Variants in TTPAL observed in about 807,000 individuals in gnomAD.
TTPAL encodes alpha tocopherol transfer protein like, also known as alpha-tocopherol transfer protein-like.
TTPAL carries 21 observed loss-of-function variants against 28.7 expected under a neutral mutation model. That is an observed-to-expected ratio of 0.73 (90% CI 0.52 to 1.06). TTPAL has a LOEUF of 1.06. Ranked by LOEUF, TTPAL falls within the 50% of genes least tolerant of loss-of-function variation. The pLI is 0.00. For synonymous variants in TTPAL, 169 were observed against 171.9 expected, an observed-to-expected ratio of 0.98 and a Z score of 0.13; for missense variants, 345 against 425.5, an observed-to-expected ratio of 0.81 and a Z score of 1.67.
chr20:44,489,142 T>C (rs113913817), intron 4 of TTPAL, 121 bp from the exon 5 acceptor site: 19 of 1,118,100 alleles, frequency 1.7e-5, no homozygotes, highest in Middle Eastern at 2.2e-4. Flanking sequence ...AAGGGTAGAG[T>C]TGCCATTAAC....
chr20:44,484,609 C>A, intron 3 of TTPAL, 79 bp downstream of exon 3: 2 of 1,090,760 alleles, frequency 1.8e-6, no homozygotes, highest in Non-Finnish European at 2.6e-6. Flanking sequence ...GTGGGTCTCA[C>A]ATGATACACA....
In TTPAL at chr20:44,480,092, T is replaced by C. The variant is rs1447122927; in HGVS notation, c.93T>C (p.Tyr31=). Residue 31 remains tyrosine (Y), a synonymous_variant, in exon 2 of 5, where the codon TAT becomes TAC. Transcript: ENST00000262605. The surrounding 1 kb of genome is among the most constrained non-coding windows in gnomAD (Gnocchi z 4.1). Reference sequence around the variant, plus strand: ...CACCACCACCTGAGCCTCCGGGCTATGTGTGCTCACTGACAGAAGACCTGG... The same window carrying C: ...CACCACCACCTGAGCCTCCGGGCTACGTGTGCTCACTGACAGAAGACCTGG... ...ELPPPPEPPG[Y]VCSLTEDLVT... 2 of 1,614,216 alleles carry C rather than the reference T, an allele frequency of 1.2e-6. No homozygotes were observed. The highest frequency in any genetic ancestry group is 1.7e-6 in the Non-Finnish European group (2 of 1,180,038).
chr20:44,480,048 C>T lies in TTPAL; in HGVS notation c.49C>T (p.Leu17Phe), dbSNP rs776713803. The T allele has an allele frequency of 1.2e-6, 2 of 1,614,154 alleles. No individual in the cohort carries two copies. Among genetic ancestry groups the T allele is most frequent in the Non-Finnish European group, 1.7e-6 (2 of 1,180,002 alleles). Residue 17 changes from leucine to phenylalanine, a missense_variant, in exon 2 of 5, where the codon CTC becomes TTC. Leu to Phe is a conservative substitution (Grantham distance 22, BLOSUM62 0). Transcript: ENST00000262605. The surrounding 1 kb of genome is among the most constrained non-coding windows in gnomAD (Gnocchi z 4.1). ...GAGAACCAGCCCTTCTGTGGCCTCA[C>T]TCTCTGAAAATGAGCTGCCACCACC... ...SLRTSPSVASLSENELPPPPE... is the reference protein window; with the variant it reads ...SLRTSPSVASFSENELPPPPE...
intron 1 of TTPAL, among the ~76,000 whole-genome samples, chr20:44,479,583 A>G (rs184801380): frequency 2.0e-5 from 3 of 152,066 alleles, no homozygotes; most frequent in Admixed American, 2.0e-4. Flanking sequence ...TTTAGTAGAG[A>G]TGGGGTTTCA....
At chr20:44,482,434 G>A (rs903881462) in intron 2 of TTPAL, among the ~76,000 whole-genome samples, 5 of 150,404 alleles carry the variant, frequency 3.3e-5, no homozygotes, top group African/African-American at 4.9e-5. Context: ...TTAGCTGGGC[G>A]TGGTGGCACA....
At chr20:44,477,617 ATATTTTTATTTATTTATCT>A (rs1350743753) in intron 1 of TTPAL, among the ~76,000 whole-genome samples, 2 of 151,702 alleles carry the variant, frequency 1.3e-5, no homozygotes, top group African/African-American at 4.9e-5. Flanking sequence ...CTTTTAAAAT[ATATTTTTATTTATTTATCT>A]ATCTATCTAT....
chr20:44,492,153 CT>C lies in TTPAL; in HGVS notation c.*2613del, dbSNP rs1320297446. The C allele has an allele frequency of 1.3e-5, 2 of 152,318 alleles. No individual in the cohort carries two copies. Among genetic ancestry groups the C allele is most frequent in the Admixed American group, 6.5e-5 (1 of 15,278 alleles). The allele number at this position is 152,318 out of a possible 1,614,324, so 9.4% of individuals were successfully genotyped here. A position where few individuals can be genotyped will look rare whatever the true frequency, so the allele number is the denominator to read the frequency against. On this transcript the variant is annotated 3_prime_UTR_variant, in exon 5 of 5. Coordinates refer to ENST00000262605, the MANE Select transcript of TTPAL (RefSeq NM_001039199.3). Reference sequence around the variant, plus strand: ...ACCAAGCTGTGAAACCAAGACCTCCCTGCGTGAAAATCAAGGTGGTCTCCTT... The same window carrying C: ...ACCAAGCTGTGAAACCAAGACCTCCCGCGTGAAAATCAAGGTGGTCTCCTT...
In TTPAL at chr20:44,493,485, G is replaced by A. The variant is rs2064226615; in HGVS notation, c.*3944G>A. On this transcript the variant is annotated 3_prime_UTR_variant, in exon 5 of 5. Transcript: ENST00000262605. The stretch of plus-strand genomic sequence containing the variant: ...GCAAAAGCTAGAGTATTGCTGTGGC[G>A]ATTATAATACTTTTAAAAAGTTTTA... 1 of 152,210 alleles carries A rather than the reference G, an allele frequency of 6.6e-6. No homozygotes were observed. The allele number at this position is 152,210 out of a possible 1,614,324, so 9.4% of individuals were successfully genotyped here.
In TTPAL at chr20:44,491,100, T is replaced by G. The variant is rs867362639; in HGVS notation, c.*1559T>G. On this transcript the variant is annotated 3_prime_UTR_variant, in exon 5 of 5. Coordinates refer to ENST00000262605, the MANE Select transcript of TTPAL (RefSeq NM_001039199.3). ...CAAAAAAAAAAAAAAAAAAAAAAAA[T>G]TTTTTTTTTTTTGGTCTCTGGAAAT... The G allele has an allele frequency of 8.5e-6, 1 of 117,652 alleles. No homozygotes were observed. The highest frequency in any genetic ancestry group is 1.8e-5 in the Non-Finnish European group (1 of 56,342). 7.3% of individuals were successfully genotyped at this position (117,652 alleles called of 1,614,324 possible).
rs2064208945 is a variant in TTPAL, at chr20:44,491,827, A to G, written c.*2286A>G. ...GAAGACAGATAAACAAAACAAAACAAAAACTGGGTAAAGAGGAATGAATCA... is the reference window on the plus strand; with the variant it reads ...GAAGACAGATAAACAAAACAAAACAGAAACTGGGTAAAGAGGAATGAATCA... On this transcript the variant is annotated 3_prime_UTR_variant, in exon 5 of 5. Transcript: ENST00000262605. The G allele has an allele frequency of 6.6e-6, 1 of 152,452 alleles. No individual in the cohort carries two copies. Among genetic ancestry groups the G allele is most frequent in the Admixed American group, 6.5e-5 (1 of 15,290 alleles). The allele number at this position is 152,452 out of a possible 1,614,324, so 9.4% of individuals were successfully genotyped here.
rs2064236832 is a variant in TTPAL, at chr20:44,494,507, T to C, written c.*4966T>C. The C allele has an allele frequency of 6.6e-6, 1 of 152,650 alleles. No individual in the cohort carries two copies. Among genetic ancestry groups the C allele is most frequent in the Non-Finnish European group, 1.5e-5 (1 of 68,022 alleles). 9.5% of individuals were successfully genotyped at this position (152,650 alleles called of 1,614,324 possible). On this transcript the variant is annotated 3_prime_UTR_variant, in exon 5 of 5. Transcript: ENST00000262605. ...AGTGTTTGTTTTGACCAAAGTTTAT[T>C]TTTCTAGTGCATTTTCTAAGTCAAA... is the stretch of plus-strand genomic sequence containing the variant.
chr20:44,485,777 A>G (rs2064146225), intron 3 of TTPAL: 1 of 152,220 alleles, frequency 6.6e-6, no homozygotes, highest in South Asian at 2.1e-4. Context: ...GGAGAGGAGA[A>G]AAAATTAAGT....
intron 3 of TTPAL, 104 bp from the exon 4 acceptor site, chr20:44,486,492 C>G: frequency 1.4e-6 from 1 of 722,620 alleles, no homozygotes; most frequent in Non-Finnish European, 2.4e-6. Flanking sequence ...CCATAAGGAT[C>G]AGATCAGACT....
At chr20:44,479,227 T>C (rs1404156657) in intron 1 of TTPAL, among the ~76,000 whole-genome samples, 3 of 152,172 alleles carry the variant, frequency 2.0e-5, no homozygotes, top group Non-Finnish European at 4.4e-5. Flanking sequence ...GTGCATATTA[T>C]GCATATATAT....
chr20:44,489,313 A>C lies in TTPAL; in HGVS notation c.801A>C (p.Arg267Ser), dbSNP rs759491629. ...DLNSLHTNLP[R>S]SILPKEYGGT... ...ACTCTCTCCACACAAACCTTCCAAGAAGCATCCTCCCCAAGGAGTATGGGG... is the reference window on the plus strand; with the variant it reads ...ACTCTCTCCACACAAACCTTCCAAGCAGCATCCTCCCCAAGGAGTATGGGG... Residue 267 changes from arginine to serine, a missense_variant, in exon 5 of 5, where the codon AGA becomes AGC. Arg to Ser is a moderately radical substitution (Grantham distance 110). Transcript: ENST00000262605. The C allele has an allele frequency of 4.0e-5, 64 of 1,613,994 alleles. No homozygotes were observed. The highest frequency in any genetic ancestry group is 1.2e-4 in the Admixed American group (7 of 59,984).
At chr20:44,484,565 G>C in intron 3 of TTPAL, 35 bp downstream of exon 3, 1 of 1,490,642 alleles carries the variant, frequency 6.7e-7, no homozygotes, top group Non-Finnish European at 9.1e-7. Flanking sequence ...GTTTCGTGGT[G>C]GCTCTGGCTT....
intron 2 of TTPAL, among the ~76,000 whole-genome samples, chr20:44,481,957 T>C (rs1387166615): frequency 6.6e-6 from 1 of 152,216 alleles, no homozygotes; most frequent in Admixed American, 6.5e-5. Flanking sequence ...CAGTCAGATA[T>C]TACAACACTG....
In TTPAL at chr20:44,484,347, ACCAAGCAACTAT is replaced by A. The variant is rs2064132934; in HGVS notation, c.461_472del (p.Ser154_Pro157del). The A allele has an allele frequency of 1.9e-6, 3 of 1,573,700 alleles. No individual in the cohort carries two copies. In the Admixed American group the frequency reaches 5.0e-5, roughly 26 times the overall value. ...CTCTTATGACCTTAGACAGATGGAT[ACCAAGCAACTAT>A]CCAATTACTGAAAACATCCGAGCCA... On this transcript the variant is annotated inframe_deletion, in exon 3 of 5. Coordinates refer to ENST00000262605, the MANE Select transcript of TTPAL (RefSeq NM_001039199.3).
At chr20:44,487,712 T>C (rs1200998742) in intron 4 of TTPAL, among the ~76,000 whole-genome samples, 2 of 152,220 alleles carry the variant, frequency 1.3e-5, no homozygotes, top group African/African-American at 4.8e-5. Flanking sequence ...ATGGGTGGTA[T>C]TTTTCTCCTT....
Sources: allele counts gnomAD v4.1 joint callset (sites outside exome capture counted in the v4.1 genomes callset), GRCh38; gene constraint gnomAD v4.1.1; non-coding constraint Gnocchi (gnomAD v3.1); transcripts MANE v1.5; gene names NCBI Gene and HGNC (gene_info 2026-07-23, HGNC 2026-07-21).